Variants in CMTM7 observed in about 807,000 individuals in gnomAD.
The protein encoded by CMTM7 is CKLF like MARVEL transmembrane domain containing 7.
CMTM7 carries 7 observed loss-of-function variants against 19.3 expected under a neutral mutation model. The ratio of observed to expected loss-of-function variants is 0.36; its 90% CI spans 0.21 to 0.68. The LOEUF (loss-of-function observed/expected upper bound fraction) is 0.68. Ranked by LOEUF, CMTM7 falls within the 30% of genes least tolerant of loss-of-function variation. The pLI, the probability that CMTM7 is intolerant of heterozygous loss-of-function variation, is 0.60. For synonymous variants in CMTM7, 87 were observed against 99.3 expected (o/e 0.88, Z 0.74); for missense variants, 193 against 232.6 (o/e 0.83, Z 1.11).
At chr3:32,397,310 T>TATTATTTTTTTTTTTTTTTTTTTTGA (rs1187237961) in intron 1 of CMTM7, among the ~76,000 whole-genome samples, 2 of 151,832 alleles carry the variant, frequency 1.3e-5, no homozygotes, top group African/African-American at 4.8e-5. Context: ...ATGTGATTAT[T>TATTATTTTTTTTTTTTTTTTTTTTGA]GATTTTAGCA....
At chr3:32,421,411 T>C (rs142562628) in intron 1 of CMTM7, among the ~76,000 whole-genome samples, 241 of 152,302 alleles carry the variant, frequency 1.6e-3, no homozygotes, top group Non-Finnish European at 2.9e-3. Context: ...TTCCCAAATA[T>C]ACTCTTGTGC....
chr3:32,398,595 C>T (rs1695953671), intron 1 of CMTM7, among the ~76,000 whole-genome samples: 1 of 151,962 alleles, frequency 6.6e-6, no homozygotes, highest in South Asian at 2.1e-4. Flanking sequence ...TGGTATAGAG[C>T]ATATACTAGG....
chr3:32,411,939 AG>A (rs1696182735), intron 1 of CMTM7, among the ~76,000 whole-genome samples: 2 of 152,268 alleles, frequency 1.3e-5, no homozygotes, highest in South Asian at 4.1e-4. Flanking sequence ...GAAAGGTGGA[AG>A]GGTGTCCTGG....
At chr3:32,404,133 T>G (rs1287440454) in intron 1 of CMTM7, among the ~76,000 whole-genome samples, 1 of 131,972 alleles carries the variant, frequency 7.6e-6, no homozygotes, top group African/African-American at 2.6e-5. Context: ...TTTAATCTTT[T>G]CTTTCTTTCT....
At chr3:32,410,955 T>A (rs1488814665) in intron 1 of CMTM7, among the ~76,000 whole-genome samples, 1 of 152,260 alleles carries the variant, frequency 6.6e-6, no homozygotes, top group African/African-American at 2.4e-5. Flanking sequence ...AAGAATCAAA[T>A]GCCAGAAGTG....
chr3:32,411,900 T>C (rs956434955), intron 1 of CMTM7, among the ~76,000 whole-genome samples: 2 of 151,738 alleles, frequency 1.3e-5, no homozygotes, highest in South Asian at 4.2e-4. Context: ...GGCTGAGACC[T>C]AATGCACGGG....
At chr3:32,422,514 G>C (rs756072232) in intron 1 of CMTM7, among the ~76,000 whole-genome samples, 1 of 152,234 alleles carries the variant, frequency 6.6e-6, no homozygotes, top group Non-Finnish European at 1.5e-5. Flanking sequence ...GTGCCGTCTC[G>C]TAGCCCTAAT....
intron 1 of CMTM7, among the ~76,000 whole-genome samples, chr3:32,437,805 C>A (rs1696620979): frequency 6.6e-6 from 1 of 152,024 alleles, no homozygotes; most frequent in African/African-American, 2.4e-5. Context: ...GTAGGAGAAT[C>A]CCTTGAACCA....
intron 1 of CMTM7, among the ~76,000 whole-genome samples, chr3:32,415,980 A>G (rs1342476620): frequency 6.6e-6 from 1 of 152,190 alleles, no homozygotes; most frequent in Admixed American, 6.5e-5. Context: ...CATGTCATAC[A>G]TGCCAGGCCT....
intron 2 of CMTM7, among the ~76,000 whole-genome samples, chr3:32,445,365 A>G (rs1027939440): frequency 6.6e-6 from 1 of 152,174 alleles, no homozygotes; most frequent in African/African-American, 2.4e-5. Flanking sequence ...GAAGCCCTTT[A>G]TCAAGTTGAA....
At chr3:32,400,382 TTTTTTTTCTTCTTCTTC>T (rs1245368490) in intron 1 of CMTM7, among the ~76,000 whole-genome samples, 4 of 140,750 alleles carry the variant, frequency 2.8e-5, no homozygotes, top group African/African-American at 1.1e-4. Flanking sequence ...ATGCTTTTCT[TTTTTTTTCTTCTTCTTC>T]TTTTTTTTTT....
chr3:32,396,700 C>T lies in CMTM7; in HGVS notation c.159+4635C>T, dbSNP rs982181382. Reference sequence around the variant, plus strand: ...ACTGGGTGTGGGGAGGCTACAGCTACACTTCAGGAAATCCCTGTGGTGTTC... The same window carrying T: ...ACTGGGTGTGGGGAGGCTACAGCTATACTTCAGGAAATCCCTGTGGTGTTC... On this transcript the variant is annotated intron_variant, in intron 1 of 4. Transcript: ENST00000334983. Among the ~76,000 whole-genome samples, 3 of 152,200 alleles carry T rather than the reference C, an allele frequency of 2.0e-5. No homozygotes were observed. In the East Asian group the frequency reaches 5.8e-4, roughly 29 times the overall value.
intron 1 of CMTM7, among the ~76,000 whole-genome samples, chr3:32,410,569 C>T (rs1696156187): frequency 6.6e-6 from 1 of 152,126 alleles, no homozygotes; most frequent in Non-Finnish European, 1.5e-5. Context: ...CAGAACAGGC[C>T]ATGGGGCCTG....
chr3:32,451,816 T>C (rs932023823), intron 3 of CMTM7: 4 of 330,798 alleles, frequency 1.2e-5, no homozygotes, highest in African/African-American at 6.6e-5. Context: ...ACTTGAGCGC[T>C]GGATGACCCT....
At chr3:32,413,769 A>C (rs1461846712) in intron 1 of CMTM7, among the ~76,000 whole-genome samples, 1 of 152,072 alleles carries the variant, frequency 6.6e-6, no homozygotes, top group African/African-American at 2.4e-5. Flanking sequence ...TATTCTTTTT[A>C]AACTACTTTT....
chr3:32,415,243 C>T (rs948742563), intron 1 of CMTM7, among the ~76,000 whole-genome samples: 1 of 152,044 alleles, frequency 6.6e-6, no homozygotes. Flanking sequence ...GCCCAGGGAC[C>T]TGCATTTTAA....
chr3:32,439,452 A>C (rs920903674), intron 1 of CMTM7, among the ~76,000 whole-genome samples: 1 of 151,988 alleles, frequency 6.6e-6, no homozygotes, highest in Admixed American at 6.6e-5. Flanking sequence ...TTGTGATTTG[A>C]TTTGATTTTT....
At chr3:32,437,791 TG>T (rs1188543240) in intron 1 of CMTM7, among the ~76,000 whole-genome samples, 2 of 152,018 alleles carry the variant, frequency 1.3e-5, no homozygotes, top group African/African-American at 4.8e-5. Context: ...CTTGTGAGGC[TG>T]AGGTAGGAGA....
intron 1 of CMTM7, among the ~76,000 whole-genome samples, chr3:32,400,727 G>A (rs1695990439): frequency 6.6e-6 from 1 of 152,090 alleles, no homozygotes; most frequent in South Asian, 2.1e-4. Flanking sequence ...AGTATGTGGT[G>A]CATTTTGTTC....
Sources: allele counts gnomAD v4.1 joint callset (sites outside exome capture counted in the v4.1 genomes callset), GRCh38; gene constraint gnomAD v4.1.1; transcripts MANE v1.5; gene names NCBI Gene and HGNC (gene_info 2026-07-23, HGNC 2026-07-21).